Variants in HUWE1 observed in about 807,000 individuals in gnomAD.
HUWE1 encodes the protein HECT, UBA and WWE domain containing E3 ubiquitin protein ligase 1.
In HUWE1, 18 loss-of-function variants were observed where a neutral mutation model predicts 299.4. The observed-to-expected ratio is 0.06, with a 90% CI of 0.04 to 0.09. HUWE1 has a LOEUF of 0.09. Among genes scored for constraint, HUWE1 ranks in the 10% least tolerant of loss-of-function variants. The pLI is 1.00. For synonymous variants in HUWE1, 1,317 were observed against 1,286.1 expected (o/e 1.02, Z -0.51); for missense variants, 1,832 against 3,462.3 (o/e 0.53, Z 11.82).
rs782183937 is a variant in HUWE1, at chrX:53,634,203, CAA to C, written c.567+31_567+32del. 2.4e-5 allele frequency: 27 copies of C among 1,112,282 alleles called. No homozygotes were observed. The African/African-American group carries it at 3.8e-4, about 16-fold the overall frequency. The allele number at this position is 1,112,282 out of a possible 1,213,427, so 91.7% of individuals were successfully genotyped here. A position where few individuals can be genotyped will look rare whatever the true frequency, so the allele number is the denominator to read the frequency against. ...GTTCACAGAGAGGCCACAGCTCTGT[CAA>C]AAGACACCCATATCCCAAAGAGTTA... On this transcript the variant is annotated intron_variant, in intron 8 of 83. Coordinates refer to ENST00000262854, the MANE Select transcript of HUWE1 (RefSeq NM_031407.7).
At chrX:53,661,600 T>C (rs2069007400) in intron 3 of HUWE1, among the ~76,000 whole-genome samples, 3 of 111,776 alleles carry the variant, frequency 2.7e-5, no homozygotes, top group Admixed American at 1.9e-4. Context: ...AAAAATAAGT[T>C]AGTTTGAAAC....
At chrX:53,601,190 T>A (rs1277318593) in intron 28 of HUWE1, among the ~76,000 whole-genome samples, 1 of 109,668 alleles carries the variant, frequency 9.1e-6, no homozygotes, top group African/African-American at 3.3e-5. Flanking sequence ...GATACCTTTT[T>A]TTTTTTTTGG....
intron 21 of HUWE1, 73 bp downstream of exon 21, chrX:53,616,897 A>ATCTCTCTCAT (rs2065836339): frequency 1.1e-6 from 1 of 889,485 alleles, no homozygotes; most frequent in South Asian, 2.2e-5. Flanking sequence ...AAACGATGAG[A>ATCTCTCTCAT]GAGATGATCA....
At position 53,629,585 on chromosome X, in the gene HUWE1, G is replaced by C; in HGVS notation, c.894C>G (p.Asn298Lys). The change falls in exon 13 of 84, where the codon AAC becomes AAG. Residue 298 changes from asparagine (N) to lysine (K), a missense_variant. Physicochemically the swap from Asn to Lys is moderately conservative, Grantham distance 94. Around this residue, in one of 15 missense-constraint regions of HUWE1, gnomAD observed 658 missense variants for 1,282.6 expected, o/e 0.51. Transcript: ENST00000262854. ...CTATCAAGCCATTATACAAGATACT[G>C]TTTGCTGATTCCTGCAAGGCATTGG... ...VYSNALQESA[N>K]SILYNGLIEE... 8.3e-7 allele frequency: 1 copy of C among 1,198,693 alleles called. No individual in the cohort carries two copies. Among genetic ancestry groups the C allele is most frequent in the Non-Finnish European group, 1.1e-6 (1 of 883,726 alleles).
intron 27 of HUWE1, 59 bp downstream of exon 27, chrX:53,603,309 T>C: frequency 8.7e-7 from 1 of 1,147,203 alleles, no homozygotes; most frequent in South Asian, 1.9e-5. Context: ...ACCAAAGCAA[T>C]CCTCCAGGCT....
In HUWE1 at chrX:53,594,408, G is replaced by C. The variant is rs1472923967; in HGVS notation, c.3503+91C>G. On this transcript the variant is annotated intron_variant, in intron 31 of 83. Coordinates refer to ENST00000262854, the MANE Select transcript of HUWE1 (RefSeq NM_031407.7). ...ATTTCTATATATCCCACTGTTACAAGATAGGGTACTTAAAAGCAGTGGGCT... is the reference window on the plus strand; with the variant it reads ...ATTTCTATATATCCCACTGTTACAACATAGGGTACTTAAAAGCAGTGGGCT... 8.4e-6 allele frequency: 8 copies of C among 949,288 alleles called. No homozygotes were observed. In the East Asian group the frequency reaches 2.2e-4, roughly 26 times the overall value. 78.2% of individuals were successfully genotyped at this position (949,288 alleles called of 1,213,427 possible).
In HUWE1 at chrX:53,614,369, G is replaced by A. The variant is rs1346258675; in HGVS notation, c.2261+165C>T. 2.7e-5 allele frequency among the ~76,000 whole-genome samples: 3 copies of A among 111,120 alleles called. No homozygotes were observed. In the Admixed American group the frequency reaches 2.8e-4, roughly 11 times the overall value. On this transcript the variant is annotated intron_variant, in intron 23 of 83. Transcript: ENST00000262854. Reference sequence around the variant, plus strand: ...TACCAAAGCACAAATGACACACAAGGGTCAAAAAAGGAAAAACTAATACAT... The same window carrying A: ...TACCAAAGCACAAATGACACACAAGAGTCAAAAAAGGAAAAACTAATACAT...
chrX:53,635,562 T>C (rs782260549), intron 7 of HUWE1, among the ~76,000 whole-genome samples: 1 of 112,079 alleles, frequency 8.9e-6, no homozygotes, highest in South Asian at 3.7e-4. Flanking sequence ...AAGTGATCCT[T>C]CTGCCTTGGC....
At position 53,627,761 on chromosome X, in the gene HUWE1, G is replaced by C. The variant is rs782339426; in HGVS notation, c.1361C>G (p.Ser454Cys). ...MAAFQSHSGLSIFIYRLEHEV... is the reference protein window; with the variant it reads ...MAAFQSHSGLCIFIYRLEHEV... Reference sequence around the variant, plus strand: ...TACCTCAAGTCTATAAATGAAGATAGAAAGTCCACTATGGGATTGAAAAGC... The same window carrying C: ...TACCTCAAGTCTATAAATGAAGATACAAAGTCCACTATGGGATTGAAAAGC... The change falls in exon 16 of 84, where the codon TCT becomes TGT. Residue 454 changes from serine to cysteine, a missense_variant. Physicochemically the swap from Ser to Cys is moderately radical, Grantham distance 112 (BLOSUM62 -1). Coordinates refer to ENST00000262854, the MANE Select transcript of HUWE1 (RefSeq NM_031407.7). The C allele has an allele frequency of 2.5e-6, 3 of 1,202,423 alleles. No homozygotes were observed. The highest frequency in any genetic ancestry group is 3.4e-6 in the Non-Finnish European group (3 of 887,444).
chrX:53,663,989 C>T (rs782733285), intron 3 of HUWE1, among the ~76,000 whole-genome samples: 1 of 111,028 alleles, frequency 9.0e-6, no homozygotes, highest in Non-Finnish European at 1.9e-5. Flanking sequence ...ATGCTTCATG[C>T]TTTTCTAATC....
intron 3 of HUWE1, among the ~76,000 whole-genome samples, chrX:53,664,743 A>G (rs1405382566): frequency 1.8e-5 from 2 of 111,644 alleles, no homozygotes; most frequent in African/African-American, 3.3e-5. Flanking sequence ...TTCAGGTGAG[A>G]GCTGCCCTGA....
intron 4 of HUWE1, among the ~76,000 whole-genome samples, chrX:53,651,315 G>C (rs1557039916): frequency 9.0e-6 from 1 of 111,249 alleles, no homozygotes; most frequent in Non-Finnish European, 1.9e-5. Context: ...CTACGTGTGT[G>C]TGCATGATTG....
intron 52 of HUWE1, among the ~76,000 whole-genome samples, 153 bp from the exon 53 acceptor site, chrX:53,563,082 G>T (rs2062367940): frequency 8.9e-6 from 1 of 111,925 alleles, no homozygotes; most frequent in Admixed American, 9.4e-5. Flanking sequence ...CTAGCTAGGT[G>T]AGCTTGGCCA....
intron 2 of HUWE1, chrX:53,684,152 G>C (rs1474176283): frequency 4.0e-6 from 1 of 248,447 alleles, no homozygotes; most frequent in South Asian, 2.6e-4. Context: ...ACAACCTAAC[G>C]AAGCAGTGAG....
At position 53,559,311 on chromosome X, in the gene HUWE1, G is replaced by A. The variant is rs782004146; in HGVS notation, c.7915+43C>T. On this transcript the variant is annotated intron_variant, in intron 57 of 83. Transcript: ENST00000262854. ...GCTTTTCCTCAGCAGGGAAAAAGTA[G>A]AATCTGACAAATTCTACCCTCCCTT... 5.1e-6 allele frequency: 6 copies of A among 1,174,374 alleles called. 1 individual carries two copies. In the South Asian group the frequency reaches 1.1e-4, roughly 21 times the overall value.
In HUWE1 at chrX:53,584,275, T is replaced by C. The variant is rs782226861; in HGVS notation, c.5072A>G (p.Asn1691Ser). ...TLLRVPRLNK[N>S]SKNSNGQELE... ...TTCCTGTCCATTGCTGTTTTTTGAA[T>C]TTTTATTCAGCCGAGGTACCCTGAG... Residue 1691 changes from asparagine (N) to serine (S), a missense_variant, in exon 41 of 84, where the codon AAT becomes AGT. Transcript: ENST00000262854. The C allele has an allele frequency of 8.3e-7, 1 of 1,205,699 alleles. No homozygotes were observed. The highest frequency in any genetic ancestry group is 1.8e-5 in the African/African-American group (1 of 56,938).
chrX:53,579,971 T>TAAAAAAAAAAAAAA (rs1397280365), intron 43 of HUWE1: 1 of 104,873 alleles, frequency 9.5e-6, no homozygotes, highest in African/African-American at 3.5e-5. Flanking sequence ...AAAAAAAAAA[T>TAAAAAAAAAAAAAA]AAAATAAAAA....
rs145468091 is a variant in HUWE1 at position 53,535,883 on chromosome X, C to G, written c.12531+264G>C. ...CACTTACATTTGTACGATTTTTCTA[C>G]AAAGACCTACCCTTGGGAATGAGGA... On this transcript the variant is annotated intron_variant, in intron 80 of 83. Transcript: ENST00000262854. 2.5e-3 allele frequency: 878 copies of G among 349,567 alleles called. 10 individuals are homozygous for G. The highest frequency in any genetic ancestry group is 0.022 in the African/African-American group (796 of 35,603). 28.8% of individuals were successfully genotyped at this position (349,567 alleles called of 1,213,427 possible). A position where few individuals can be genotyped will look rare whatever the true frequency, so the allele number is the denominator to read the frequency against.
rs372174459 is a variant in HUWE1, at chrX:53,578,323, G to A, written c.5717-1256C>T. ...CGTCTGGGAAGTGAGGAGCGTCTCCGCCCGGCAGCCACCCCGTCTGGGAGG... is the reference window on the plus strand; with the variant it reads ...CGTCTGGGAAGTGAGGAGCGTCTCCACCCGGCAGCCACCCCGTCTGGGAGG... On this transcript the variant is annotated intron_variant, in intron 43 of 83. Transcript: ENST00000262854. Among the ~76,000 whole-genome samples, 43 of 107,491 alleles carry A rather than the reference G, an allele frequency of 4.0e-4. No homozygotes were observed. The South Asian group carries it at 0.017, about 41-fold the overall frequency. 93.3% of individuals were successfully genotyped at this position (107,491 alleles called of 115,157 possible).
Sources: allele counts gnomAD v4.1 joint callset (sites outside exome capture counted in the v4.1 genomes callset), GRCh38; gene constraint gnomAD v4.1.1; regional missense constraint gnomAD v4.1.1; transcripts MANE v1.5; gene names NCBI Gene and HGNC (gene_info 2026-07-23, HGNC 2026-07-21).